LUZP1: variants seen among roughly 807,000 people sequenced by gnomAD.
LUZP1 encodes filamin mechanobinding actin cross-linking protein.
Under a neutral mutation model 71.3 loss-of-function variants are expected in LUZP1, and 25 were observed. That is an observed-to-expected ratio of 0.35 (90% confidence interval 0.26 to 0.49). The LOEUF (loss-of-function observed/expected upper bound fraction) is 0.49, where lower values mean the gene tolerates loss of function less well. LUZP1 is among the 20% of genes least tolerant of loss of function. The pLI is 0.99. For synonymous variants in LUZP1, 481 were observed against 506.4 expected, an observed-to-expected ratio of 0.95 and a Z score of 0.67; for missense variants, 1,142 against 1,300.8, an observed-to-expected ratio of 0.88 and a Z score of 1.88.
chr1:23,086,857 G>A (rs553150568), exon 5 of LUZP1: 1 of 152,766 alleles, frequency 6.5e-6, no homozygotes, highest in Non-Finnish European at 1.5e-5. Flanking sequence ...AATGCCTTTA[G>A]ATTGGCAAAA....
intron 2 of LUZP1, among the ~76,000 whole-genome samples, chr1:23,166,061 AAAAAG>A (rs1262060224): frequency 6.6e-6 from 1 of 151,940 alleles, no homozygotes; most frequent in African/African-American, 2.4e-5. Flanking sequence ...AAAAAAAAAA[AAAAAG>A]AAAAGAAAAA....
chr1:23,121,352 C>T (rs1285343049), intron 2 of LUZP1, among the ~76,000 whole-genome samples: 9 of 152,182 alleles, frequency 5.9e-5, no homozygotes, highest in Non-Finnish European at 1.5e-5. Context: ...TGTACAATGA[C>T]CATATAGTAC....
intron 2 of LUZP1, among the ~76,000 whole-genome samples, chr1:23,165,560 C>T (rs1448045689): frequency 6.6e-6 from 1 of 151,816 alleles, no homozygotes; most frequent in African/African-American, 2.4e-5. Flanking sequence ...CCTGTGGTCC[C>T]AGCTTCTCAG....
chr1:23,175,082 G>T (rs1157641057), intron 1 of LUZP1, among the ~76,000 whole-genome samples: 1 of 152,024 alleles, frequency 6.6e-6, no homozygotes, highest in Non-Finnish European at 1.5e-5. Flanking sequence ...ATCTCTTAAA[G>T]GTTATAGGGG....
intron 2 of LUZP1, among the ~76,000 whole-genome samples, chr1:23,116,371 A>G (rs879814381): frequency 4.6e-5 from 7 of 152,300 alleles, no homozygotes; most frequent in Admixed American, 4.6e-4. Context: ...ACACTGTTTC[A>G]TTGGCCAGGC....
intron 2 of LUZP1, among the ~76,000 whole-genome samples, chr1:23,122,513 A>T (rs1644138661): frequency 6.6e-6 from 1 of 152,178 alleles, no homozygotes; most frequent in South Asian, 2.1e-4. Context: ...AACGCCCTGA[A>T]GCCTAGTCAC....
intron 2 of LUZP1, among the ~76,000 whole-genome samples, chr1:23,154,444 G>A (rs1182571411): frequency 6.6e-6 from 1 of 152,180 alleles, no homozygotes; most frequent in Admixed American, 6.5e-5. Context: ...GGAGGCTGAG[G>A]TGGAAGGACT....
intron 2 of LUZP1, among the ~76,000 whole-genome samples, chr1:23,128,045 C>T (rs1395011328): frequency 3.3e-5 from 5 of 151,952 alleles, no homozygotes; most frequent in Non-Finnish European, 7.4e-5. Flanking sequence ...GCAGGAGAAT[C>T]GCTTGAACCT....
chr1:23,175,279 T>C (rs1418734611), intron 1 of LUZP1, among the ~76,000 whole-genome samples: 2 of 152,206 alleles, frequency 1.3e-5, no homozygotes, highest in African/African-American at 4.8e-5. Flanking sequence ...GCTGGGTGGC[T>C]TTGGGCAAGT....
intron 2 of LUZP1, among the ~76,000 whole-genome samples, chr1:23,111,623 TG>T (rs1179463873): frequency 6.6e-6 from 1 of 152,136 alleles, no homozygotes; most frequent in Non-Finnish European, 1.5e-5. Context: ...TAGGTGGATG[TG>T]GGGGAAGCTT....
In LUZP1 at chr1:23,110,625, C is replaced by T. The variant is rs575136858; in HGVS notation, c.-225-1498G>A. Among the ~76,000 whole-genome samples, 15 of 77,272 alleles carry T rather than the reference C, an allele frequency of 1.9e-4. 1 individual carries two copies. The highest frequency in any genetic ancestry group is 5.5e-4 in the Admixed American group (4 of 7,224). 50.7% of individuals were successfully genotyped at this position (77,272 alleles called of 152,430 possible). ...ACCTGCACCTGCGCGCATGCATGAA[C>T]GCGCACACATACACACACACACACA... On this transcript the variant is annotated intron_variant, in intron 2 of 4. Coordinates refer to ENST00000302291, the Ensembl canonical transcript of LUZP1.
rs1383223702 is a variant in LUZP1, at chr1:23,093,167, C to G, written c.1095G>C (p.Leu365=). Residue 365 remains leucine, a synonymous_variant, in exon 4 of 5, where the codon CTG becomes CTC. Transcript: ENST00000302291. The surrounding 1 kb of genome is among the most constrained non-coding windows in gnomAD (Gnocchi z 4.2). ...TCCTCTCATGTCTGCCTTTGCTGGA[C>G]AGGAAAGCATCTTCCCCTTCTACCT... 1 of 1,614,170 alleles carries G rather than the reference C, an allele frequency of 6.2e-7. No individual in the cohort carries two copies. Among genetic ancestry groups the G allele is most frequent in the Non-Finnish European group, 8.5e-7 (1 of 1,180,028 alleles).
chr1:23,104,080 A>G (rs1643959548), intron 3 of LUZP1, among the ~76,000 whole-genome samples: 1 of 152,110 alleles, frequency 6.6e-6, no homozygotes. Flanking sequence ...CAGTAAGTTC[A>G]GAGGCTGAGG....
intron 2 of LUZP1, among the ~76,000 whole-genome samples, chr1:23,113,586 G>C (rs887618316): frequency 6.6e-6 from 1 of 152,010 alleles, no homozygotes; most frequent in Non-Finnish European, 1.5e-5. Flanking sequence ...TGAGGTAAAA[G>C]AAAATATGCT....
chr1:23,158,647 CAAAAAAAAAAAAA>C (rs56919514), intron 2 of LUZP1, among the ~76,000 whole-genome samples: 24 of 59,930 alleles, frequency 4.0e-4, no homozygotes, highest in East Asian at 9.6e-4. Context: ...GACTCTGTCT[CAAAAAAAAAAAAA>C]AAAAAAAAAA....
At chr1:23,136,331 C>T (rs1644252729) in intron 2 of LUZP1, among the ~76,000 whole-genome samples, 1 of 150,752 alleles carries the variant, frequency 6.6e-6, no homozygotes, top group South Asian at 2.1e-4. Context: ...CACACACACA[C>T]ACACACACAC....
At chr1:23,166,653 C>CA (rs538327046) in intron 2 of LUZP1, among the ~76,000 whole-genome samples, 21,544 of 69,414 alleles carry the variant, frequency 0.31, 3,121 homozygotes, top group South Asian at 0.37. Context: ...CACTCCGTCT[C>CA]AAAAAAAAAA....
chr1:23,128,577 T>C (rs550522601), intron 2 of LUZP1, among the ~76,000 whole-genome samples: 3 of 152,362 alleles, frequency 2.0e-5, no homozygotes, highest in East Asian at 3.9e-4. Context: ...TGGAGCATTA[T>C]AAGGTAAACA....
At chr1:23,117,470 TCTCTCTCCC>T (rs1557653679) in intron 2 of LUZP1, among the ~76,000 whole-genome samples, 94 of 34,476 alleles carry the variant, frequency 2.7e-3, no homozygotes, top group Non-Finnish European at 3.3e-3. Context: ...TCTCTCTCTC[TCTCTCTCCC>T]CCCCCCCCCC....
Sources: allele counts gnomAD v4.1 joint callset (sites outside exome capture counted in the v4.1 genomes callset), GRCh38; gene constraint gnomAD v4.1.1; non-coding constraint Gnocchi (gnomAD v3.1); transcripts MANE v1.5; gene names NCBI Gene and HGNC (gene_info 2026-07-23, HGNC 2026-07-21).